PIEZO2: variants seen among roughly 807,000 people sequenced by gnomAD.
PIEZO2 encodes the protein piezo-type mechanosensitive ion channel component 2.
PIEZO2 carries 172 observed loss-of-function variants against 337.3 expected under a neutral mutation model. The observed-to-expected ratio is 0.51, with a 90% confidence interval of 0.45 to 0.58. The LOEUF (loss-of-function observed/expected upper bound fraction) is 0.58, where lower values mean the gene tolerates loss of function less well. Among genes scored for constraint, PIEZO2 ranks in the 20% least tolerant of loss-of-function variants. The pLI is 0.00. For missense variants in PIEZO2, 3,028 were observed against 3,391.3 expected (o/e 0.89, Z 2.66); for synonymous variants, 1,251 against 1,228.5 (o/e 1.02, Z -0.38).
intron 4 of PIEZO2, among the ~76,000 whole-genome samples, chr18:10,883,520 TA>T (rs2042483437): frequency 6.6e-6 from 1 of 152,216 alleles, no homozygotes; most frequent in African/African-American, 2.4e-5. Flanking sequence ...TATACATATA[TA>T]ACTATACATT....
Position 10,701,980 on chromosome 18 carries a change from A to G in PIEZO2, c.6441+9T>C. On this transcript the variant is annotated intron_variant, in intron 43 of 55. Transcript: ENST00000674853. ...CAACTTGAACTGATTAATTGTTAACATGCAGTACCTTCAAAATTGATCGAT... is the reference window on the plus strand; with the variant it reads ...CAACTTGAACTGATTAATTGTTAACGTGCAGTACCTTCAAAATTGATCGAT... 1 of 1,521,390 alleles carries G rather than the reference A, an allele frequency of 6.6e-7. No individual in the cohort carries two copies. Among genetic ancestry groups the G allele is most frequent in the Non-Finnish European group, 8.8e-7 (1 of 1,141,970 alleles). 94.2% of individuals were successfully genotyped at this position (1,521,390 alleles called of 1,614,324 possible). A position where few individuals can be genotyped will look rare whatever the true frequency, so the allele number is the denominator to read the frequency against.
At chr18:11,062,007 T>A (rs1332213165) in intron 2 of PIEZO2, among the ~76,000 whole-genome samples, 2 of 152,152 alleles carry the variant, frequency 1.3e-5, no homozygotes, top group Non-Finnish European at 2.9e-5. Flanking sequence ...GACTTCGAAC[T>A]ATACTACAAG....
At position 10,712,176 on chromosome 18, in the gene PIEZO2, C is replaced by A. The variant is rs538418162; in HGVS notation, c.5423+2588G>T. On this transcript the variant is annotated intron_variant, in intron 39 of 55. Coordinates refer to ENST00000674853, the MANE Select transcript of PIEZO2 (RefSeq NM_001378183.1). ...TTCACCCTGTAACTAGGAAGCAGCACCAGTCAGCATCTCGAGTGCTCACCA... is the reference window on the plus strand; with the variant it reads ...TTCACCCTGTAACTAGGAAGCAGCAACAGTCAGCATCTCGAGTGCTCACCA... 4.6e-5 allele frequency among the ~76,000 whole-genome samples: 7 copies of A among 152,306 alleles called. No individual in the cohort carries two copies. In the East Asian group the frequency reaches 1.4e-3, roughly 29 times the overall value.
chr18:10,818,121 A>T (rs2040417957), intron 7 of PIEZO2, among the ~76,000 whole-genome samples: 1 of 152,156 alleles, frequency 6.6e-6, no homozygotes, highest in South Asian at 2.1e-4. Context: ...AACATCAACA[A>T]GGAGATAGAA....
At chr18:10,714,457 A>G (rs368405807) in intron 39 of PIEZO2, among the ~76,000 whole-genome samples, 66 of 152,092 alleles carry the variant, frequency 4.3e-4, no homozygotes, top group African/African-American at 1.5e-3. Context: ...ATGTCCCACA[A>G]ATAATAACTT....
At chr18:11,137,235 T>TA (rs371791827) in intron 1 of PIEZO2, among the ~76,000 whole-genome samples, 31 of 151,814 alleles carry the variant, frequency 2.0e-4, no homozygotes, top group African/African-American at 5.1e-4. Context: ...TCTAACATGG[T>TA]AAAAAAAAAT....
chr18:10,707,303 C>A lies in PIEZO2; in HGVS notation c.5588+972G>T, dbSNP rs1462325852. On this transcript the variant is annotated intron_variant, in intron 40 of 55. Transcript: ENST00000674853. The surrounding 1 kb of genome is among the most constrained non-coding windows in gnomAD (Gnocchi z 4.2). ...CTTTGGTTTGGATCTCTTGTAGCAC[C>A]AAGGGGTGGAGGGTACCTTCAGAGG... 1.2e-4 allele frequency among the ~76,000 whole-genome samples: 18 copies of A among 152,052 alleles called. No homozygotes were observed. The highest frequency in any genetic ancestry group is 1.2e-3 in the Admixed American group (18 of 15,260).
At position 11,038,837 on chromosome 18, in the gene PIEZO2, A is replaced by C. The variant is rs374886020; in HGVS notation, c.160+27290T>G. The stretch of plus-strand genomic sequence containing the variant: ...AAATTAGATAACATATGAAACTTAA[A>C]AAATCTATAAAGGGCTATGCTTGAA... On this transcript the variant is annotated intron_variant, in intron 2 of 55. Transcript: ENST00000674853. The surrounding 1 kb of genome is among the most constrained non-coding windows in gnomAD (Gnocchi z 4.1). Among the ~76,000 whole-genome samples, 22 of 152,360 alleles carry C rather than the reference A, an allele frequency of 1.4e-4. No homozygotes were observed. In the South Asian group the frequency reaches 2.9e-3, roughly 20 times the overall value.
In PIEZO2 at chr18:10,671,662, C is replaced by G; in HGVS notation, c.8463G>C (p.Leu2821Phe). Residue 2821 changes from leucine (L) to phenylalanine (F), a missense_variant, in exon 56 of 56, where the codon TTG (leucine) becomes TTC (phenylalanine). Physicochemically the swap from Leu to Phe is conservative, Grantham distance 22. This residue lies in a region of PIEZO2 where 332 missense variants were observed against 363.8 expected (regional missense o/e 0.91). Coordinates refer to ENST00000674853, the MANE Select transcript of PIEZO2 (RefSeq NM_001378183.1). ...FEELPNVDRI[L>F]KLCTDIFLVR... ...CTAAAAAAATATCTGTGCACAACTT[C>G]AAAATTCGATCCACATTTGGAAGCT... 6.2e-7 allele frequency: 1 copy of G among 1,613,984 alleles called. No individual in the cohort carries two copies. Among genetic ancestry groups the G allele is most frequent in the Non-Finnish European group, 8.5e-7 (1 of 1,179,980 alleles).
At position 10,795,345 on chromosome 18, in the gene PIEZO2, T is replaced by C. The variant is rs1348874946; in HGVS notation, c.1528-343A>G. ...TATTTTATTTTATTTTATTTTATTT[T>C]ATTTTATTATTTTATTTTATTTTAT... On this transcript the variant is annotated intron_variant, in intron 12 of 55. Transcript: ENST00000674853. This position sits in a 1 kb window ranked among gnomAD's most constrained non-coding sequence, Gnocchi z 4.4. Among the ~76,000 whole-genome samples, 167 of 21,898 alleles carry C rather than the reference T, an allele frequency of 7.6e-3. 3 individuals are homozygous for C. The highest frequency in any genetic ancestry group is 0.021 in the African/African-American group (155 of 7,398). 14.4% of individuals were successfully genotyped at this position (21,898 alleles called of 152,430 possible). A position where few individuals can be genotyped will look rare whatever the true frequency, so the allele number is the denominator to read the frequency against.
Position 10,702,604 on chromosome 18 carries a change from G to A in PIEZO2, c.6259-433C>T, listed in dbSNP as rs188635437. Among the ~76,000 whole-genome samples, 11 of 152,302 alleles carry A rather than the reference G, an allele frequency of 7.2e-5. No individual in the cohort carries two copies. The East Asian group carries it at 1.5e-3, about 21-fold the overall frequency. On this transcript the variant is annotated intron_variant, in intron 42 of 55. Coordinates refer to ENST00000674853, the MANE Select transcript of PIEZO2 (RefSeq NM_001378183.1). ...CGCAATCTATAGGAGCATATCACAC[G>A]GTTAGGATGTATGTAGTTTTCACTT...
intron 2 of PIEZO2, among the ~76,000 whole-genome samples, chr18:11,065,245 A>T (rs920080433): frequency 6.6e-6 from 1 of 152,270 alleles, no homozygotes; most frequent in African/African-American, 2.4e-5. Context: ...TTGATCACTA[A>T]CAAGGAAATC....
chr18:11,040,980 A>G (rs1421840734), intron 2 of PIEZO2, among the ~76,000 whole-genome samples: 2 of 152,184 alleles, frequency 1.3e-5, no homozygotes, highest in Admixed American at 6.5e-5. Context: ...TTGAAATGCC[A>G]CATTGAACTG....
At chr18:10,679,651 C>G (rs2034176187) in intron 52 of PIEZO2, among the ~76,000 whole-genome samples, 1 of 152,202 alleles carries the variant, frequency 6.6e-6, no homozygotes, top group South Asian at 2.1e-4. Context: ...CGGCCTTTCT[C>G]TCTCAGGTGG....
In PIEZO2 at chr18:11,132,155, C is replaced by A. The variant is rs535968093; in HGVS notation, c.64+16370G>T. On this transcript the variant is annotated intron_variant, in intron 1 of 55. Transcript: ENST00000674853. The surrounding 1 kb of genome is among the most constrained non-coding windows in gnomAD (Gnocchi z 4.7). Reference sequence around the variant, plus strand: ...AGAGATTTGTTCTCACTGGAATAGACACTTACTCTGTATATAGGTTTGCCT... The same window carrying A: ...AGAGATTTGTTCTCACTGGAATAGAAACTTACTCTGTATATAGGTTTGCCT... 3.8e-4 allele frequency among the ~76,000 whole-genome samples: 58 copies of A among 152,312 alleles called. No homozygotes were observed. Among genetic ancestry groups the A allele is most frequent in the Non-Finnish European group, 6.3e-4 (43 of 68,024 alleles).
chr18:10,690,539 C>G (rs970196900), intron 48 of PIEZO2, among the ~76,000 whole-genome samples: 3 of 152,216 alleles, frequency 2.0e-5, no homozygotes, highest in Admixed American at 2.0e-4. Flanking sequence ...GGCCCAGTCA[C>G]AGGCTAGCAC....
chr18:10,770,098 G>A (rs1274841578), intron 21 of PIEZO2, 50 bp downstream of exon 21: 1 of 1,506,160 alleles, frequency 6.6e-7, no homozygotes, highest in Admixed American at 2.1e-5. Flanking sequence ...GGAAAATGAT[G>A]ACCTACTGTG....
At chr18:10,717,782 T>C (rs1277629674) in intron 37 of PIEZO2, among the ~76,000 whole-genome samples, 1 of 152,210 alleles carries the variant, frequency 6.6e-6, no homozygotes, top group East Asian at 1.9e-4. Context: ...AGTTTGGCCC[T>C]AACCTTCTAG....
chr18:10,952,257 T>A lies in PIEZO2; in HGVS notation c.286+27278A>T, dbSNP rs554435229. On this transcript the variant is annotated intron_variant, in intron 3 of 55. Transcript: ENST00000674853. The surrounding 1 kb of genome is among the most constrained non-coding windows in gnomAD (Gnocchi z 4.1). Reference sequence around the variant, plus strand: ...TTATTAGATTATAAGTTACACAGAGTAAAATTTTTGCATGTATAATTTCTC... The same window carrying A: ...TTATTAGATTATAAGTTACACAGAGAAAAATTTTTGCATGTATAATTTCTC... Among the ~76,000 whole-genome samples, 17 of 152,128 alleles carry A rather than the reference T, an allele frequency of 1.1e-4. No homozygotes were observed. Among genetic ancestry groups the A allele is most frequent in the African/African-American group, 3.9e-4 (16 of 41,408 alleles).
Sources: gnomAD v4.1 joint callset for allele counts (sites outside exome capture counted in the v4.1 genomes callset) on GRCh38, gnomAD v4.1.1 for gene constraint, gnomAD v4.1.1 regional missense constraint, Gnocchi (gnomAD v3.1) non-coding constraint, MANE v1.5 for transcripts, NCBI Gene and HGNC (gene_info 2026-07-23, HGNC 2026-07-21) for gene names.